LRRK1: variants seen among roughly 807,000 people sequenced by gnomAD.
The protein encoded by LRRK1 is leucine-rich repeat serine/threonine-protein kinase 1.
A neutral mutation model predicts 209.1 loss-of-function variants in LRRK1; 113 were observed. The ratio of observed to expected loss-of-function variants is 0.54; its 90% CI spans 0.46 to 0.63. LRRK1 has a LOEUF of 0.63. LRRK1 is among the 30% of genes least tolerant of loss of function. The pLI, the probability that LRRK1 is intolerant of heterozygous loss-of-function variation, is 0.00. For missense variants in LRRK1, 2,284 were observed against 2,632.2 expected, an observed-to-expected ratio of 0.87 and a Z score of 2.89; for synonymous variants, 1,144 against 1,099.7, an observed-to-expected ratio of 1.04 and a Z score of -0.80.
chr15:101,020,979 C>G lies in LRRK1; in HGVS notation c.1610-74C>G, dbSNP rs1342795190. On this transcript the variant is annotated intron_variant, in intron 12 of 33. Coordinates refer to ENST00000388948, the MANE Select transcript of LRRK1 (RefSeq NM_024652.6). Reference sequence around the variant, plus strand: ...CCTCTGGAGGTTGCATCAGTTTATACGCCCACCTGGTCACCACGCTGTGAC... The same window carrying G: ...CCTCTGGAGGTTGCATCAGTTTATAGGCCCACCTGGTCACCACGCTGTGAC... The G allele has an allele frequency of 3.2e-6, 5 of 1,565,900 alleles. No homozygotes were observed. In the African/African-American group the frequency reaches 6.8e-5, roughly 21 times the overall value.
chr15:101,023,154 G>C (rs1473154275), intron 15 of LRRK1, among the ~76,000 whole-genome samples: 2 of 152,054 alleles, frequency 1.3e-5, no homozygotes, highest in Admixed American at 1.3e-4. Context: ...AGCACTCTGG[G>C]ACTTAACACC....
chr15:100,966,363 A>G, intron 2 of LRRK1, among the ~76,000 whole-genome samples: 1 of 151,788 alleles, frequency 6.6e-6, no homozygotes, highest in East Asian at 1.9e-4. Context: ...ATTTTTTTTC[A>G]GTGAGAATGT....
chr15:100,920,456 A>T (rs890822157), intron 1 of LRRK1, among the ~76,000 whole-genome samples: 1 of 152,200 alleles, frequency 6.6e-6, no homozygotes, highest in Non-Finnish European at 1.5e-5. Flanking sequence ...TGAAAGAGAA[A>T]ATAATATAAC....
chr15:100,938,773 G>A (rs991910981), intron 2 of LRRK1, among the ~76,000 whole-genome samples: 1 of 152,178 alleles, frequency 6.6e-6, no homozygotes, highest in Non-Finnish European at 1.5e-5. Flanking sequence ...CTAGGCTTCT[G>A]AGAGGGGAGA....
chr15:101,038,858 A>T (rs1368946446), intron 20 of LRRK1, among the ~76,000 whole-genome samples: 2 of 151,764 alleles, frequency 1.3e-5, no homozygotes, highest in African/African-American at 4.8e-5. Flanking sequence ...TTCTGTGCAA[A>T]TCTCTCTCTT....
rs1457296453 is a variant in LRRK1 at position 101,022,895 on chromosome 15, C to T, written c.2067+298C>T. 6.6e-6 allele frequency among the ~76,000 whole-genome samples: 1 copy of T among 151,902 alleles called. No homozygotes were observed. Among genetic ancestry groups the T allele is most frequent in the East Asian group, 1.9e-4 (1 of 5,186 alleles). ...CCTCAACCTCCCCAGCTTAAATGATCCACCTGCCCTGTATGTTTCTGTTAT... is the reference window on the plus strand; with the variant it reads ...CCTCAACCTCCCCAGCTTAAATGATTCACCTGCCCTGTATGTTTCTGTTAT... On this transcript the variant is annotated intron_variant, in intron 15 of 33. Transcript: ENST00000388948. The surrounding 1 kb of genome is among the most constrained non-coding windows in gnomAD (Gnocchi z 4.0).
intron 2 of LRRK1, among the ~76,000 whole-genome samples, chr15:100,935,796 G>A (rs560679099): frequency 6.6e-6 from 1 of 152,278 alleles, no homozygotes; most frequent in South Asian, 2.1e-4. Flanking sequence ...CAGGAATCTA[G>A]GCAGGGCCCA....
At chr15:100,957,821 T>C (rs998896377) in intron 2 of LRRK1, among the ~76,000 whole-genome samples, 1 of 152,254 alleles carries the variant, frequency 6.6e-6, no homozygotes, top group African/African-American at 2.4e-5. Flanking sequence ...AGTAAGGACA[T>C]ACTTTTGCCA....
chr15:100,974,499 T>G (rs752312435), intron 3 of LRRK1, among the ~76,000 whole-genome samples: 10 of 152,186 alleles, frequency 6.6e-5, no homozygotes, highest in Non-Finnish European at 1.3e-4. Flanking sequence ...CAGCTGCTGC[T>G]CGTACTTTTA....
At chr15:101,049,304 G>A (rs1241767873) in intron 22 of LRRK1, 1 of 229,782 alleles carries the variant, frequency 4.4e-6, no homozygotes, top group Non-Finnish European at 8.4e-6. Context: ...CCGCATAGAT[G>A]TTCTCACTTA....
At chr15:101,014,262 C>G in intron 10 of LRRK1, 54 bp from the exon 11 acceptor site, 1 of 1,284,048 alleles carries the variant, frequency 7.8e-7, no homozygotes, top group Non-Finnish European at 1.1e-6. Context: ...GTCTCCCCTC[C>G]CTTCTTGTAT....
chr15:101,069,087 C>A lies in LRRK1; in HGVS notation c.*239C>A, dbSNP rs2036686120. 2.5e-6 allele frequency: 1 copy of A among 402,104 alleles called. No individual in the cohort carries two copies. The highest frequency in any genetic ancestry group is 4.4e-6 in the Non-Finnish European group (1 of 225,700). 24.9% of individuals were successfully genotyped at this position (402,104 alleles called of 1,614,324 possible). A position where few individuals can be genotyped will look rare whatever the true frequency, so the allele number is the denominator to read the frequency against. Reference sequence around the variant, plus strand: ...CCCCCAACTGCTGATTTTACAGCCCCAGGGAAGACAGTGGTATCAGGCTGG... The same window carrying A: ...CCCCCAACTGCTGATTTTACAGCCCAAGGGAAGACAGTGGTATCAGGCTGG... On this transcript the variant is annotated 3_prime_UTR_variant, in exon 34 of 34. Transcript: ENST00000388948.
intron 6 of LRRK1, among the ~76,000 whole-genome samples, chr15:101,007,496 G>A (rs1222345581): frequency 6.6e-6 from 1 of 152,186 alleles, no homozygotes; most frequent in Non-Finnish European, 1.5e-5. Context: ...TGGAAATAAA[G>A]GAAGACCAGT....
intron 20 of LRRK1, among the ~76,000 whole-genome samples, chr15:101,035,846 G>C (rs530895292): frequency 6.6e-6 from 1 of 152,108 alleles, no homozygotes; most frequent in South Asian, 2.1e-4. Context: ...TTATACTTTT[G>C]TGTGTTTTCA....
intron 2 of LRRK1, among the ~76,000 whole-genome samples, chr15:100,966,307 C>A (rs1465531976): frequency 6.6e-6 from 1 of 152,102 alleles, no homozygotes; most frequent in African/African-American, 2.4e-5. Context: ...TTTTCTGTGG[C>A]GGTGAGGAGG....
At chr15:101,066,933 A>G (rs2036562626) in intron 33 of LRRK1, among the ~76,000 whole-genome samples, 192 bp downstream of exon 33, 1 of 152,216 alleles carries the variant, frequency 6.6e-6, no homozygotes, top group Non-Finnish European at 1.5e-5. Flanking sequence ...CGCACTGGCC[A>G]TGGCTGCCTG....
chr15:101,050,349 T>G (rs182389182), intron 23 of LRRK1, among the ~76,000 whole-genome samples: 2 of 152,186 alleles, frequency 1.3e-5, no homozygotes, highest in Non-Finnish European at 2.9e-5. Flanking sequence ...TTGAGTGAAG[T>G]TCCTGAGGCC....
intron 12 of LRRK1, among the ~76,000 whole-genome samples, 176 bp from the exon 13 acceptor site, chr15:101,020,877 A>G (rs965911200): frequency 6.6e-6 from 1 of 152,218 alleles, no homozygotes; most frequent in Non-Finnish European, 1.5e-5. Context: ...CCACACATGC[A>G]TGCAAAGCTA....
chr15:101,055,168 G>T lies in LRRK1; in HGVS notation c.4277G>T (p.Gly1426Val). Residue 1426 changes from glycine (G) to valine (V), a missense_variant, in exon 27 of 34, where the codon GGC becomes GTC. Gly to Val is a moderately radical substitution (Grantham distance 109, BLOSUM62 -3). This residue lies in a region of LRRK1 where 59 missense variants were observed against 103.8 expected (regional missense o/e 0.57). Coordinates refer to ENST00000388948, the MANE Select transcript of LRRK1 (RefSeq NM_024652.6). The part of the protein sequence containing the change: ...SFHEGALGVE[G>V]TPGYQAPEIR... ...CATGAGGGCGCCCTAGGCGTGGAGG[G>T]CACTCCTGGCTACCAGGCCCCAGAG... 2 of 1,608,668 alleles carry T rather than the reference G, an allele frequency of 1.2e-6. No homozygotes were observed. The highest frequency in any genetic ancestry group is 8.5e-7 in the Non-Finnish European group (1 of 1,177,082).
Sources: allele counts gnomAD v4.1 joint callset (sites outside exome capture counted in the v4.1 genomes callset), GRCh38; gene constraint gnomAD v4.1.1; regional missense constraint gnomAD v4.1.1; non-coding constraint Gnocchi (gnomAD v3.1); transcripts MANE v1.5; gene names NCBI Gene and HGNC (gene_info 2026-07-23, HGNC 2026-07-21).